The following TTI1 variants were observed in gnomAD, a reference collection of about 807,000 sequenced individuals.
TTI1 encodes TELO2 interacting protein 1, also known as TELO2-interacting protein 1 homolog.
TTI1 carries 52 observed loss-of-function variants against 85.4 expected under a neutral mutation model. The ratio of observed to expected loss-of-function variants is 0.61; its 90% confidence interval spans 0.49 to 0.77. TTI1 has a LOEUF of 0.77. Among genes scored for constraint, TTI1 ranks in the 30% least tolerant of loss-of-function variants. The pLI is 0.00. For synonymous variants in TTI1, 512 were observed against 503.9 expected (o/e 1.02, Z -0.22); for missense variants, 1,173 against 1,296.0 (o/e 0.91, Z 1.46).
At chr20:38,027,662 A>C (rs887945739) in intron 1 of TTI1, among the ~76,000 whole-genome samples, 1 of 152,220 alleles carries the variant, frequency 6.6e-6, no homozygotes, top group Non-Finnish European at 1.5e-5. Context: ...CCAGTGGCTC[A>C]CGCCTGCATC....
At position 38,012,687 on chromosome 20, in the gene TTI1, C is replaced by T; in HGVS notation, c.1130G>A (p.Ser377Asn). 1 of 1,614,244 alleles carries T rather than the reference C, an allele frequency of 6.2e-7. No homozygotes were observed. Among genetic ancestry groups the T allele is most frequent in the Non-Finnish European group, 8.5e-7 (1 of 1,180,048 alleles). The change falls in exon 2 of 8, where the codon AGC (serine) becomes AAC (asparagine). Residue 377 changes from serine to asparagine, a missense_variant. Physicochemically the swap from Ser to Asn is conservative, Grantham distance 46 (BLOSUM62 1). Coordinates refer to ENST00000373447, the MANE Select transcript of TTI1 (RefSeq NM_001303457.2). Reference protein sequence around the residue: ...NKALADILSESLHSLATSLPR... With the variant: ...NKALADILSENLHSLATSLPR... ...AAGAGATGTGGCAAGGGAATGCAGG[C>T]TTTCTGACAAGATGTCAGCGAGGGC...
chr20:38,006,313 G>A lies in TTI1; in HGVS notation c.2387C>T (p.Pro796Leu). The change falls in exon 3 of 8, where the codon CCA (proline) becomes CTA (leucine). Residue 796 changes from proline (P) to leucine (L), a missense_variant. By Grantham distance (98) the Pro-to-Leu change is moderately conservative (BLOSUM62 -3). Transcript: ENST00000373447. ...GGTGGTGCTCTTCTCAAGAGCTGCT[G>A]GTCTTTGGTTCAAATGACTTCCCTC... ...GEEGSHLNQR[P>L]AALEKSTTTA... 1 of 1,614,136 alleles carries A rather than the reference G, an allele frequency of 6.2e-7. No homozygotes were observed. The highest frequency in any genetic ancestry group is 8.5e-7 in the Non-Finnish European group (1 of 1,180,022).
chr20:38,010,642 T>C (rs2073571215), intron 2 of TTI1, among the ~76,000 whole-genome samples: 1 of 151,778 alleles, frequency 6.6e-6, no homozygotes, highest in Admixed American at 6.6e-5. Flanking sequence ...GGCTAATTTT[T>C]TTTTTTTTAT....
intron 2 of TTI1, among the ~76,000 whole-genome samples, chr20:38,008,698 C>T (rs918734639): frequency 3.3e-5 from 5 of 152,156 alleles, no homozygotes; most frequent in African/African-American, 1.2e-4. Context: ...CAGAAGTTCT[C>T]TGAGAACACA....
chr20:38,005,236 G>A (rs1394666557), intron 3 of TTI1, among the ~76,000 whole-genome samples: 2 of 152,126 alleles, frequency 1.3e-5, no homozygotes, highest in African/African-American at 2.4e-5. Flanking sequence ...TTTGGGACTC[G>A]GTTCGATTTA....
intron 1 of TTI1, among the ~76,000 whole-genome samples, chr20:38,014,926 G>C (rs985579644): frequency 2.6e-5 from 4 of 152,206 alleles, no homozygotes; most frequent in African/African-American, 9.6e-5. Context: ...CAAGGGTACT[G>C]AGGACTGAGC....
chr20:37,998,395 A>G (rs1393825515), intron 5 of TTI1, among the ~76,000 whole-genome samples: 1 of 152,142 alleles, frequency 6.6e-6, no homozygotes, highest in Admixed American at 6.5e-5. Flanking sequence ...TATCTGGTGC[A>G]TTACCAGCTT....
At chr20:38,006,446 T>C (rs770243543) in intron 2 of TTI1, 49 bp from the exon 3 acceptor site, 1 of 1,599,390 alleles carries the variant, frequency 6.3e-7, no homozygotes, top group Non-Finnish European at 8.6e-7. Flanking sequence ...ACAACAGGCA[T>C]GAGTACTTTA....
chr20:38,011,663 G>A lies in TTI1; in HGVS notation c.2154C>T (p.Val718=). ...HLALHPHTPK[V]LEVMLRNSDA... is the part of the protein sequence containing the mutation. ...CTGAGTTCCGCAGCATGACTTCCAG[G>A]ACCTTTGGGGTATGAGGATGCAGAG... is the stretch of plus-strand genomic sequence containing the variant. The change falls in exon 2 of 8, where the codon GTC becomes GTT. Residue 718 remains valine, a synonymous_variant. Transcript: ENST00000373447. 1 of 1,614,204 alleles carries A rather than the reference G, an allele frequency of 6.2e-7. No individual in the cohort carries two copies. The highest frequency in any genetic ancestry group is 8.5e-7 in the Non-Finnish European group (1 of 1,180,048).
At chr20:38,009,906 T>C (rs1331129265) in intron 2 of TTI1, among the ~76,000 whole-genome samples, 1 of 152,252 alleles carries the variant, frequency 6.6e-6, no homozygotes, top group Non-Finnish European at 1.5e-5. Flanking sequence ...AGGCCCTCCC[T>C]GACCACTGAA....
intron 1 of TTI1, among the ~76,000 whole-genome samples, chr20:38,027,586 G>T (rs2073852346): frequency 6.6e-6 from 1 of 152,066 alleles, no homozygotes; most frequent in Non-Finnish European, 1.5e-5. Flanking sequence ...TGTATTATAT[G>T]CTGTGTTCTT....
In TTI1 at chr20:38,020,952, C is replaced by T. The variant is rs544586248; in HGVS notation, c.-41-7095G>A. ...AACTCGTTGGCAGTATCTATTATTT[C>T]AAAGGTGAATATATATATGCTCTAT... On this transcript the variant is annotated intron_variant, in intron 1 of 7. Coordinates refer to ENST00000373447, the MANE Select transcript of TTI1 (RefSeq NM_001303457.2). Among the ~76,000 whole-genome samples, 6 of 152,282 alleles carry T rather than the reference C, an allele frequency of 3.9e-5. No individual in the cohort carries two copies. In the South Asian group the frequency reaches 1.0e-3, roughly 26 times the overall value.
At position 37,996,728 on chromosome 20, in the gene TTI1, G is replaced by A. The variant is rs2073346217; in HGVS notation, c.2998+21C>T. The A allele has an allele frequency of 2.5e-6, 4 of 1,589,412 alleles. 1 individual carries two copies. In the Admixed American group the frequency reaches 5.1e-5, roughly 20 times the overall value. On this transcript the variant is annotated intron_variant, in intron 6 of 7. Coordinates refer to ENST00000373447, the MANE Select transcript of TTI1 (RefSeq NM_001303457.2). ...ACAGATGCTAAGTGTGTGTGTTCAG[G>A]TGGAACTGCCTGGTACCCACCTAGG...
At position 38,011,622 on chromosome 20, in the gene TTI1, G is replaced by T. The variant is rs199725074; in HGVS notation, c.2195C>A (p.Pro732His). The T allele has an allele frequency of 6.2e-7, 1 of 1,614,222 alleles. No homozygotes were observed. The highest frequency in any genetic ancestry group is 1.7e-5 in the Admixed American group (1 of 60,028). The change falls in exon 2 of 8, where the codon CCT becomes CAT. Residue 732 changes from proline (P) to histidine (H), a missense_variant. Physicochemically the swap from Pro to His is moderately conservative, Grantham distance 77. Coordinates refer to ENST00000373447, the MANE Select transcript of TTI1 (RefSeq NM_001303457.2). ...ATCTTGAACCACATCTGCCACCAAA[G>T]GAAGCAGGTTAGCATCTGAGTTCCG... ...MLRNSDANLL[P>H]LVADVVQDVL...
At position 38,006,275 on chromosome 20, in the gene TTI1, T is replaced by A. The variant is rs1168783171; in HGVS notation, c.2425A>T (p.Ile809Phe). 1 of 1,614,250 alleles carries A rather than the reference T, an allele frequency of 6.2e-7. No homozygotes were observed. Among genetic ancestry groups the A allele is most frequent in the Non-Finnish European group, 8.5e-7 (1 of 1,180,044 alleles). ...AGGTAGTTCAGCAAAAACTGTTCGATGTCTTCAGCTGTGGTGGTGCTCTTC... is the reference window on the plus strand; with the variant it reads ...AGGTAGTTCAGCAAAAACTGTTCGAAGTCTTCAGCTGTGGTGGTGCTCTTC... ...LEKSTTTAEDIEQFLLNYLKE... is the reference protein window; with the variant it reads ...LEKSTTTAEDFEQFLLNYLKE... The change falls in exon 3 of 8, where the codon ATC (isoleucine) becomes TTC (phenylalanine). Residue 809 changes from isoleucine to phenylalanine, a missense_variant. Transcript: ENST00000373447.
chr20:38,002,753 C>A lies in TTI1; in HGVS notation c.2527G>T (p.Val843Leu), dbSNP rs771223048. Reference protein sequence around the residue: ...EEEEQSVPPKVDENDTRPDVE... With the variant: ...EEEEQSVPPKLDENDTRPDVE... Reference sequence around the variant, plus strand: ...TCTGGACGGGTGTCATTCTCATCCACTTTGGGAGGGACTGACTGTTCCTCT... The same window carrying A: ...TCTGGACGGGTGTCATTCTCATCCAATTTGGGAGGGACTGACTGTTCCTCT... Residue 843 changes from valine (V) to leucine (L), a missense_variant, in exon 4 of 8, where the codon GTG becomes TTG. Coordinates refer to ENST00000373447, the MANE Select transcript of TTI1 (RefSeq NM_001303457.2). 4 of 1,614,208 alleles carry A rather than the reference C, an allele frequency of 2.5e-6. No homozygotes were observed. In the Admixed American group the frequency reaches 6.7e-5, roughly 27 times the overall value.
chr20:38,031,247 G>A (rs2073902151), intron 1 of TTI1, among the ~76,000 whole-genome samples: 1 of 152,196 alleles, frequency 6.6e-6, no homozygotes. Context: ...ATTTCATTCA[G>A]AGTAACATCT....
chr20:38,020,340 ATATATATATATATG>A (rs1348439307), intron 1 of TTI1, among the ~76,000 whole-genome samples: 4 of 122,160 alleles, frequency 3.3e-5, no homozygotes, highest in Non-Finnish European at 5.3e-5. Context: ...ATATATATAT[ATATATATATATATG>A]TATGTATCTT....
chr20:37,992,893 G>T (rs2073284626), intron 7 of TTI1, among the ~76,000 whole-genome samples: 3 of 152,150 alleles, frequency 2.0e-5, no homozygotes, highest in Non-Finnish European at 4.4e-5. Context: ...AGACATCCTG[G>T]AGACTGAGAA....
Sources: gnomAD v4.1 joint callset for allele counts (sites outside exome capture counted in the v4.1 genomes callset) on GRCh38, gnomAD v4.1.1 for gene constraint, MANE v1.5 for transcripts, NCBI Gene and HGNC (gene_info 2026-07-23, HGNC 2026-07-21) for gene names.